Variants in HAUS6 observed in about 807,000 individuals in gnomAD.
The protein encoded by HAUS6 is HAUS augmin like complex subunit 6, also known as HAUS augmin-like complex subunit 6.
Under a neutral mutation model 106.8 loss-of-function variants are expected in HAUS6, and 80 were observed. The ratio of observed to expected loss-of-function variants is 0.75; its 90% CI spans 0.63 to 0.90. The LOEUF is 0.90. Ranked by LOEUF, HAUS6 falls within the 40% of genes least tolerant of loss-of-function variation. The probability of loss-of-function intolerance (pLI) is 0.00; values close to 1 mark genes in which losing one functional copy is unlikely to be tolerated. For synonymous variants in HAUS6, 356 were observed against 379.1 expected (o/e 0.94, Z 0.71); for missense variants, 1,155 against 1,118.1 (o/e 1.03, Z -0.47).
chr9:19,074,923 A>C (rs1292391102), intron 11 of HAUS6, among the ~76,000 whole-genome samples: 1 of 152,154 alleles, frequency 6.6e-6, no homozygotes, highest in Non-Finnish European at 1.5e-5. Flanking sequence ...GAGCTTCCAC[A>C]AAAAACCTGT....
At chr9:19,068,360 C>G (rs1270821293) in intron 12 of HAUS6, among the ~76,000 whole-genome samples, 1 of 151,212 alleles carries the variant, frequency 6.6e-6, no homozygotes, top group Non-Finnish European at 1.5e-5. Flanking sequence ...TCCTGACTGC[C>G]TGTGAACTAG....
rs773750986 is a variant in HAUS6, at chr9:19,058,958, T to C, written c.1809A>G (p.Glu603=). ...RSSWRKAIEM[E]ENRTKEPIQM... ...GAATTGGTTCTTTAGTTCTGTTTTC[T>C]TCCATTTCAATAGCTTTTCTCCATG... The change falls in exon 16 of 17, where the codon GAA becomes GAG. Residue 603 remains glutamate (E), a synonymous_variant. Coordinates refer to ENST00000380502, the MANE Select transcript of HAUS6 (RefSeq NM_017645.5). 1 of 1,604,546 alleles carries C rather than the reference T, an allele frequency of 6.2e-7. No homozygotes were observed. Among genetic ancestry groups the C allele is most frequent in the Admixed American group, 1.7e-5 (1 of 59,732 alleles).
In HAUS6 at chr9:19,093,179, T is replaced by C. The variant is rs567142612; in HGVS notation, c.428A>G (p.Asn143Ser). Residue 143 changes from asparagine (N) to serine (S), a missense_variant, in exon 4 of 17, where the codon AAT (asparagine) becomes AGT (serine). Coordinates refer to ENST00000380502, the MANE Select transcript of HAUS6 (RefSeq NM_017645.5). Reference sequence around the variant, plus strand: ...TTATAAGTTGAACTTACTTTTAGAATTGGATTTAATATATTTCATTGCAAC... The same window carrying C: ...TTATAAGTTGAACTTACTTTTAGAACTGGATTTAATATATTTCATTGCAAC... ...RFVAMKYIKSNSKNSSHHFVE... is the reference protein window; with the variant it reads ...RFVAMKYIKSSSKNSSHHFVE... The C allele has an allele frequency of 1.3e-6, 2 of 1,551,698 alleles. No individual in the cohort carries two copies. Among genetic ancestry groups the C allele is most frequent in the South Asian group, 1.2e-5 (1 of 83,884 alleles).
In HAUS6 at chr9:19,086,799, A is replaced by G. The variant is rs1232703696; in HGVS notation, c.651-17T>C. On this transcript the variant is annotated splice_polypyrimidine_tract_variant and intron_variant, in intron 6 of 16. Coordinates refer to ENST00000380502, the MANE Select transcript of HAUS6 (RefSeq NM_017645.5). ...GGTTCCATTCTAATAAAAATTAAAT[A>G]ATCTAATTAGTCATATTAAAAATCA... The G allele has an allele frequency of 3.1e-6, 3 of 975,508 alleles. No individual in the cohort carries two copies. In the East Asian group the frequency reaches 7.3e-5, roughly 24 times the overall value. The allele number at this position is 975,508 out of a possible 1,614,324, so 60.4% of individuals were successfully genotyped here.
At chr9:19,065,789 C>T (rs1291223564) in intron 12 of HAUS6, among the ~76,000 whole-genome samples, 1 of 151,946 alleles carries the variant, frequency 6.6e-6, no homozygotes. Context: ...TGCAGTGAGC[C>T]GAGATCGTGC....
chr9:19,069,874 T>G (rs1382752899), intron 12 of HAUS6, among the ~76,000 whole-genome samples: 1 of 152,046 alleles, frequency 6.6e-6, no homozygotes, highest in Non-Finnish European at 1.5e-5. Flanking sequence ...GGCAGGAGGA[T>G]CACTTGAGGC....
chr9:19,088,158 T>A (rs1817664139), intron 5 of HAUS6, among the ~76,000 whole-genome samples: 1 of 152,188 alleles, frequency 6.6e-6, no homozygotes, highest in Admixed American at 6.5e-5. Context: ...CTCACGCCTA[T>A]AATCCCAGCA....
In HAUS6 at chr9:19,089,542, C is replaced by T; in HGVS notation, c.454G>A (p.Val152Ile). ...SNSKNSSHHF[V>I]ETFNIKPQDL... ...TGTGGTTTTATGTTAAATGTCTCTA[C>T]AAAATGATGAGAAGAATCTACACAG... Residue 152 changes from valine to isoleucine, a missense_variant, in exon 5 of 17, where the codon GTA becomes ATA. This residue lies in a region of HAUS6 where 761 missense variants were observed against 690.0 expected (regional missense o/e 1.10). Transcript: ENST00000380502. 1.9e-6 allele frequency: 3 copies of T among 1,609,758 alleles called. No homozygotes were observed. The highest frequency in any genetic ancestry group is 1.1e-5 in the South Asian group (1 of 90,814).
intron 8 of HAUS6, 46 bp downstream of exon 8, chr9:19,082,827 C>A: frequency 1.1e-6 from 1 of 945,186 alleles, no homozygotes; most frequent in South Asian, 2.2e-5. Flanking sequence ...TATACAATTA[C>A]ATGATAGGAG....
In HAUS6 at chr9:19,054,234, G is replaced by C. The variant is rs1408254639; in HGVS notation, c.*2109C>G. ...AAAAAATGGGAGATTACAGCGGAAG[G>C]GGGAGTAGAGGAAATCCGTTACAGG... On this transcript the variant is annotated 3_prime_UTR_variant, in exon 17 of 17. Transcript: ENST00000380502. 6.6e-6 allele frequency: 1 copy of C among 152,166 alleles called. No individual in the cohort carries two copies. The highest frequency in any genetic ancestry group is 1.5e-5 in the Non-Finnish European group (1 of 68,024). The allele number at this position is 152,166 out of a possible 1,614,324, so 9.4% of individuals were successfully genotyped here. A position where few individuals can be genotyped will look rare whatever the true frequency, so the allele number is the denominator to read the frequency against.
chr9:19,097,956 G>A (rs960934473), intron 1 of HAUS6, among the ~76,000 whole-genome samples: 1 of 152,134 alleles, frequency 6.6e-6, no homozygotes, highest in Non-Finnish European at 1.5e-5. Flanking sequence ...CTATCCATTT[G>A]TCAAACAACA....
chr9:19,101,168 T>C (rs1324061809), intron 1 of HAUS6, among the ~76,000 whole-genome samples: 3 of 152,228 alleles, frequency 2.0e-5, no homozygotes, highest in Admixed American at 6.5e-5. Context: ...CCTTATACAT[T>C]GTATAAGTGT....
chr9:19,075,693 C>A (rs1836983149), intron 11 of HAUS6, among the ~76,000 whole-genome samples: 1 of 152,200 alleles, frequency 6.6e-6, no homozygotes, highest in Non-Finnish European at 1.5e-5. Context: ...GTGGCTCACA[C>A]CTATAATCCC....
chr9:19,058,813 G>T lies in HAUS6; in HGVS notation c.1954C>A (p.His652Asn), dbSNP rs1245731798. 6.2e-7 allele frequency: 1 copy of T among 1,614,200 alleles called. No homozygotes were observed. The highest frequency in any genetic ancestry group is 1.7e-5 in the Admixed American group (1 of 60,022). ...GAAATAACTTTCTCTTCAGTCAAAT[G>T]AGACTGGCCAAAATCTGATACAGTG... ...ETTVSDFGQS[H>N]LTEEKVISDC... is the part of the protein sequence containing the mutation. Residue 652 changes from histidine to asparagine, a missense_variant, in exon 16 of 17, where the codon CAT becomes AAT. Around this residue, in one of 3 missense-constraint regions of HAUS6, gnomAD observed 380 missense variants for 394.8 expected, o/e 0.96. Coordinates refer to ENST00000380502, the MANE Select transcript of HAUS6 (RefSeq NM_017645.5).
chr9:19,097,936 G>A (rs1165048414), intron 1 of HAUS6, among the ~76,000 whole-genome samples: 1 of 152,152 alleles, frequency 6.6e-6, no homozygotes, highest in Admixed American at 6.5e-5. Context: ...TCTTGCGTAA[G>A]TTCCTATGCC....
intron 12 of HAUS6, among the ~76,000 whole-genome samples, chr9:19,066,830 C>CAA (rs71333078): frequency 0.011 from 888 of 81,836 alleles, 17 homozygotes; most frequent in African/African-American, 0.028. Flanking sequence ...CTCATCTCTA[C>CAA]AAAAAAAAAA....
intron 9 of HAUS6, among the ~76,000 whole-genome samples, chr9:19,079,695 G>C (rs959194994): frequency 1.3e-5 from 2 of 152,034 alleles, no homozygotes; most frequent in Admixed American, 6.6e-5. Flanking sequence ...CTGAGGTCAG[G>C]AGTTCAAGAC....
intron 6 of HAUS6, 138 bp from the exon 7 acceptor site, chr9:19,086,920 T>C (rs1837309654): frequency 1.6e-6 from 1 of 619,520 alleles, no homozygotes; most frequent in Non-Finnish European, 2.9e-6. Flanking sequence ...AAAGCGATAA[T>C]AATTTATTAG....
chr9:19,066,804 G>A (rs1345923631), intron 12 of HAUS6, among the ~76,000 whole-genome samples: 8 of 145,326 alleles, frequency 5.5e-5, no homozygotes, highest in Non-Finnish European at 1.2e-4. Flanking sequence ...GACCAGCCTG[G>A]GCAACATAGT....
Sources: allele counts gnomAD v4.1 joint callset (sites outside exome capture counted in the v4.1 genomes callset), GRCh38; gene constraint gnomAD v4.1.1; regional missense constraint gnomAD v4.1.1; transcripts MANE v1.5; gene names NCBI Gene and HGNC (gene_info 2026-07-23, HGNC 2026-07-21).